Variants in ITGA11 observed in about 807,000 individuals in gnomAD.
The protein encoded by ITGA11 is integrin subunit alpha 11.
ITGA11 carries 97 observed loss-of-function variants against 141.9 expected under a neutral mutation model. That is an observed-to-expected ratio of 0.68 (90% CI 0.58 to 0.81). The LOEUF (loss-of-function observed/expected upper bound fraction) is 0.81. Ranked by LOEUF, ITGA11 falls within the 30% of genes least tolerant of loss-of-function variation. The pLI is 0.00. For synonymous variants in ITGA11, 658 were observed against 624.6 expected (o/e 1.05, Z -0.80); for missense variants, 1,387 against 1,559.2 (o/e 0.89, Z 1.86).
At chr15:68,372,237 C>T (rs931831923) in intron 2 of ITGA11, among the ~76,000 whole-genome samples, 1 of 152,178 alleles carries the variant, frequency 6.6e-6, no homozygotes, top group Non-Finnish European at 1.5e-5. Context: ...ATGATTCAGT[C>T]CCAGTTTGAG....
At chr15:68,392,065 C>A (rs147159691) in intron 2 of ITGA11, among the ~76,000 whole-genome samples, 11 of 152,090 alleles carry the variant, frequency 7.2e-5, no homozygotes, top group Non-Finnish European at 1.5e-4. Flanking sequence ...GGAATTATAC[C>A]GCTGATTTCA....
At chr15:68,425,038 G>T (rs920587842) in intron 1 of ITGA11, among the ~76,000 whole-genome samples, 1 of 152,230 alleles carries the variant, frequency 6.6e-6, no homozygotes, top group African/African-American at 2.4e-5. Flanking sequence ...TTGAGGCAGA[G>T]ACCGCGCTTT....
intron 4 of ITGA11, among the ~76,000 whole-genome samples, chr15:68,364,432 C>T (rs1373130367): frequency 6.6e-6 from 1 of 152,206 alleles, no homozygotes; most frequent in Non-Finnish European, 1.5e-5. Context: ...GCTGTTCCTC[C>T]CTCCTTCGGG....
At position 68,432,023 on chromosome 15, in the gene ITGA11, A is replaced by C; in HGVS notation, c.44T>G (p.Leu15Arg). ...AGAGGGTGGGCACCTACCTGGCCAC[A>C]GGCTGAGCGCCCAGGCCACCACCAG... ...RGLVVAWALS[L>R]WPGFTDTFNM... is the part of the protein sequence containing the mutation. The change falls in exon 1 of 30, where the codon CTG (leucine) becomes CGG (arginine). Residue 15 changes from leucine to arginine, a missense_variant. By Grantham distance (102) the Leu-to-Arg change is moderately radical. Coordinates refer to ENST00000315757, the MANE Select transcript of ITGA11 (RefSeq NM_001004439.2). The C allele has an allele frequency of 7.5e-7, 1 of 1,336,626 alleles. No individual in the cohort carries two copies. The allele number at this position is 1,336,626 out of a possible 1,614,324, so 82.8% of individuals were successfully genotyped here.
intron 2 of ITGA11, among the ~76,000 whole-genome samples, chr15:68,395,360 T>C (rs1896207003): frequency 6.6e-6 from 1 of 152,042 alleles, no homozygotes; most frequent in South Asian, 2.1e-4. Flanking sequence ...CTTCAGAAGG[T>C]TGGCAATAAC....
At chr15:68,403,612 T>TTTTC (rs140112160) in intron 1 of ITGA11, among the ~76,000 whole-genome samples, 27 of 148,204 alleles carry the variant, frequency 1.8e-4, no homozygotes, top group Non-Finnish European at 3.7e-4. Flanking sequence ...AATAAACCTC[T>TTTTC]TTTCTTTCTT....
At chr15:68,421,509 G>A (rs1026945966) in intron 1 of ITGA11, among the ~76,000 whole-genome samples, 1 of 152,188 alleles carries the variant, frequency 6.6e-6, no homozygotes, top group African/African-American at 2.4e-5. Context: ...GCTGCTGGGT[G>A]GGAGAGCCTC....
At chr15:68,387,591 G>A (rs2140385879) in intron 2 of ITGA11, among the ~76,000 whole-genome samples, 1 of 152,268 alleles carries the variant, frequency 6.6e-6, no homozygotes, top group South Asian at 2.1e-4. Context: ...TGACACACAT[G>A]ACAGTAAAGC....
Position 68,348,728 on chromosome 15 carries a change from C to A in ITGA11, c.1131+102G>T. ...AGAGAAAGTGAGGAGAAGAGCCAAC[C>A]CATCTGTGAAGGTGGATGACAGATC... is the stretch of plus-strand genomic sequence containing the variant. On this transcript the variant is annotated intron_variant, in intron 10 of 29. Transcript: ENST00000315757. 7 of 994,238 alleles carry A rather than the reference C, an allele frequency of 7.0e-6. No homozygotes were observed. The South Asian group carries it at 8.5e-5, about 12-fold the overall frequency. The allele number at this position is 994,238 out of a possible 1,614,324, so 61.6% of individuals were successfully genotyped here.
intron 6 of ITGA11, 92 bp downstream of exon 6, chr15:68,358,366 G>A: frequency 2.9e-6 from 4 of 1,386,556 alleles, no homozygotes; most frequent in Non-Finnish European, 3.9e-6. Flanking sequence ...CCTCCTTCGT[G>A]CATGCAAAGA....
At chr15:68,334,321 G>A (rs568179698) in intron 12 of ITGA11, among the ~76,000 whole-genome samples, 335 of 152,334 alleles carry the variant, frequency 2.2e-3, no homozygotes, top group Non-Finnish European at 3.8e-3. Flanking sequence ...CATGCTGCTA[G>A]GAGAGAGAGT....
intron 2 of ITGA11, among the ~76,000 whole-genome samples, chr15:68,386,359 G>T (rs975461960): frequency 6.6e-6 from 1 of 152,074 alleles, no homozygotes; most frequent in Non-Finnish European, 1.5e-5. Flanking sequence ...CTACTGCCTC[G>T]CAGTCCATCC....
At chr15:68,350,842 C>T in intron 8 of ITGA11, 60 bp from the exon 9 acceptor site, 1 of 1,552,596 alleles carries the variant, frequency 6.4e-7, no homozygotes, top group Non-Finnish European at 8.7e-7. Flanking sequence ...TTCCCATACA[C>T]CACACGGCCT....
intron 2 of ITGA11, among the ~76,000 whole-genome samples, chr15:68,378,016 C>T (rs993099660): frequency 5.3e-5 from 8 of 152,344 alleles, no homozygotes; most frequent in African/African-American, 1.9e-4. Flanking sequence ...GAGAAGCATA[C>T]TTCTGATGGT....
intron 2 of ITGA11, among the ~76,000 whole-genome samples, chr15:68,383,384 AG>A (rs1895909606): frequency 6.6e-6 from 1 of 152,230 alleles, no homozygotes; most frequent in African/African-American, 2.4e-5. Context: ...AACAAGGGTT[AG>A]ATAGTGATTA....
At chr15:68,357,366 GA>G in intron 6 of ITGA11, 67 bp from the exon 7 acceptor site, 1 of 1,547,270 alleles carries the variant, frequency 6.5e-7, no homozygotes, top group Non-Finnish European at 8.7e-7. Context: ...TAGAATTTGA[GA>G]GTGAGGATCC....
intron 21 of ITGA11, among the ~76,000 whole-genome samples, chr15:68,316,400 G>A (rs972296414): frequency 1.3e-5 from 2 of 152,216 alleles, no homozygotes; most frequent in Non-Finnish European, 2.9e-5. Context: ...CCCCTGATGC[G>A]CTCCCTGGTC....
intron 13 of ITGA11, 80 bp downstream of exon 13, chr15:68,332,258 C>T (rs1297843622): frequency 3.2e-5 from 47 of 1,484,854 alleles, no homozygotes; most frequent in East Asian, 2.0e-4. Flanking sequence ...TCGCTAGTAA[C>T]GCATTTCCGT....
chr15:68,337,513 C>T (rs1192808070), intron 11 of ITGA11, among the ~76,000 whole-genome samples: 2 of 152,128 alleles, frequency 1.3e-5, no homozygotes, highest in African/African-American at 4.8e-5. Context: ...CTGGATGACT[C>T]CTAGACGGAG....
Sources: allele counts gnomAD v4.1 joint callset (sites outside exome capture counted in the v4.1 genomes callset), GRCh38; gene constraint gnomAD v4.1.1; transcripts MANE v1.5; gene names NCBI Gene and HGNC (gene_info 2026-07-23, HGNC 2026-07-21).